Variants in ZFPM2 observed in about 807,000 individuals in gnomAD.
ZFPM2 encodes the protein zinc finger protein, FOG family member 2.
In ZFPM2, 20 loss-of-function variants were observed where a neutral mutation model predicts 98.6. The ratio of observed to expected loss-of-function variants is 0.20; its 90% confidence interval spans 0.14 to 0.29. ZFPM2 has a LOEUF of 0.29. Ranked by LOEUF, ZFPM2 falls within the 10% of genes least tolerant of loss-of-function variation. The pLI is 1.00. For synonymous variants in ZFPM2, 518 were observed against 502.7 expected (o/e 1.03, Z -0.41); for missense variants, 1,310 against 1,388.6 (o/e 0.94, Z 0.90).
intron 4 of ZFPM2, among the ~76,000 whole-genome samples, chr8:105,610,210 G>T (rs150164398): frequency 6.6e-6 from 1 of 152,122 alleles, no homozygotes; most frequent in African/African-American, 2.4e-5. Context: ...TATCTTTTCC[G>T]TTTGTGGGGA....
intron 3 of ZFPM2, among the ~76,000 whole-genome samples, chr8:105,497,498 A>C (rs1403749123): frequency 6.6e-6 from 1 of 152,184 alleles, no homozygotes; most frequent in Non-Finnish European, 1.5e-5. Context: ...AATAATAGGA[A>C]TTTGGTATAA....
At chr8:105,398,226 C>T (rs1811262054) in intron 1 of ZFPM2, among the ~76,000 whole-genome samples, 1 of 152,112 alleles carries the variant, frequency 6.6e-6, no homozygotes, top group South Asian at 2.1e-4. Context: ...GAACTGACTA[C>T]ATAAGGATCA....
At chr8:105,421,949 A>T (rs1030213880) in intron 2 of ZFPM2, among the ~76,000 whole-genome samples, 2 of 149,398 alleles carry the variant, frequency 1.3e-5, no homozygotes, top group Non-Finnish European at 3.0e-5. Context: ...CAGGAGGCTG[A>T]GACAGGAGAA....
chr8:105,418,125 G>C (rs906385516), intron 1 of ZFPM2, among the ~76,000 whole-genome samples: 2 of 152,030 alleles, frequency 1.3e-5, no homozygotes, highest in Admixed American at 6.6e-5. Flanking sequence ...CTTAGGCCCT[G>C]GAAATTTCCT....
At position 105,578,131 on chromosome 8, in the gene ZFPM2, TTTGA is replaced by T. The variant is rs546114830; in HGVS notation, c.420+16654_420+16657del. On this transcript the variant is annotated intron_variant, in intron 4 of 7. Transcript: ENST00000407775. ...TAGAGGATAAAAGTATACTCAATCT[TTTGA>T]TTGTTATTTTTGTTTCTCCTTAGCT... Among the ~76,000 whole-genome samples the T allele has an allele frequency of 5.0e-3, 763 of 152,232 alleles. 3 individuals carry two copies. The highest frequency in any genetic ancestry group is 0.018 in the African/African-American group (730 of 41,566).
intron 4 of ZFPM2, among the ~76,000 whole-genome samples, chr8:105,575,294 GT>G (rs1815440655): frequency 6.6e-6 from 1 of 152,126 alleles, no homozygotes; most frequent in African/African-American, 2.4e-5. Flanking sequence ...CTGTGGCAGG[GT>G]TTTGTGAAAG....
chr8:105,382,284 T>TA (rs1374773991), intron 1 of ZFPM2, among the ~76,000 whole-genome samples: 2 of 151,966 alleles, frequency 1.3e-5, no homozygotes, highest in Non-Finnish European at 2.9e-5. Flanking sequence ...GCTTTTTTTT[T>TA]AAAAATCATA....
intron 3 of ZFPM2, among the ~76,000 whole-genome samples, chr8:105,540,821 C>T (rs1344086456): frequency 1.3e-5 from 2 of 152,104 alleles, no homozygotes; most frequent in Non-Finnish European, 2.9e-5. Context: ...AGTAAGAAAT[C>T]GGCAACAAGG....
rs181467326 is a variant in ZFPM2 at position 105,730,257 on chromosome 8, C to T, written c.533-58461C>T. 1.4e-4 allele frequency among the ~76,000 whole-genome samples: 21 copies of T among 151,866 alleles called. 1 individual carries two copies. Among genetic ancestry groups the T allele is most frequent in the African/African-American group, 5.1e-4 (21 of 41,504 alleles). On this transcript the variant is annotated intron_variant, in intron 5 of 7. Transcript: ENST00000407775. The stretch of plus-strand genomic sequence containing the variant: ...TGTCCAGGAATGAAATAATATTTCT[C>T]ATGCATGCATGAAAGTAAGACAGTT...
chr8:105,430,165 A>T (rs1326206202), intron 2 of ZFPM2, among the ~76,000 whole-genome samples: 2 of 152,148 alleles, frequency 1.3e-5, no homozygotes, highest in Non-Finnish European at 2.9e-5. Context: ...ATGAAGCTTA[A>T]ACTTCAAAAC....
chr8:105,645,743 A>G (rs567904516), intron 5 of ZFPM2, among the ~76,000 whole-genome samples: 4 of 152,210 alleles, frequency 2.6e-5, no homozygotes, highest in African/African-American at 9.6e-5. Flanking sequence ...TACAGAAGCT[A>G]TAGGAGGAAT....
At chr8:105,504,944 A>C (rs1164884527) in intron 3 of ZFPM2, among the ~76,000 whole-genome samples, 3 of 126,764 alleles carry the variant, frequency 2.4e-5, no homozygotes, top group Non-Finnish European at 4.7e-5. Flanking sequence ...AAAAGAAAAA[A>C]GTATTAATAA....
At chr8:105,435,575 C>T (rs753756958) in intron 2 of ZFPM2, among the ~76,000 whole-genome samples, 5 of 152,146 alleles carry the variant, frequency 3.3e-5, no homozygotes, top group East Asian at 1.9e-4. Flanking sequence ...ACAAACTTGT[C>T]GTTATTATCT....
chr8:105,359,191 G>T (rs117283087), intron 1 of ZFPM2, among the ~76,000 whole-genome samples: 1 of 151,826 alleles, frequency 6.6e-6, no homozygotes, highest in South Asian at 2.1e-4. Context: ...CCCCATGCTC[G>T]ACTTCTCTCT....
At chr8:105,718,629 A>G (rs1811581952) in intron 5 of ZFPM2, among the ~76,000 whole-genome samples, 1 of 151,980 alleles carries the variant, frequency 6.6e-6, no homozygotes, top group African/African-American at 2.4e-5. Context: ...TCCGGTGTTA[A>G]TAAATATGAC....
At chr8:105,340,668 A>C (rs2129660725) in intron 1 of ZFPM2, among the ~76,000 whole-genome samples, 1 of 152,050 alleles carries the variant, frequency 6.6e-6, no homozygotes, top group African/African-American at 2.4e-5. Context: ...TATTTATATT[A>C]ACAAGTACAT....
chr8:105,685,984 TAAA>T (rs1810723950), intron 5 of ZFPM2, among the ~76,000 whole-genome samples: 1 of 152,102 alleles, frequency 6.6e-6, no homozygotes, highest in Non-Finnish European at 1.5e-5. Flanking sequence ...AGTATTAATG[TAAA>T]AATAAATCCA....
intron 5 of ZFPM2, among the ~76,000 whole-genome samples, chr8:105,779,778 G>C (rs933776553): frequency 6.6e-6 from 1 of 152,144 alleles, no homozygotes; most frequent in African/African-American, 2.4e-5. Context: ...GCATGACATT[G>C]TGCAGAGACT....
intron 5 of ZFPM2, among the ~76,000 whole-genome samples, chr8:105,719,926 T>C (rs1019473030): frequency 3.3e-5 from 5 of 151,908 alleles, no homozygotes; most frequent in African/African-American, 1.2e-4. Context: ...AGACCAATAT[T>C]AGAGAAGAAT....
Sources: gnomAD v4.1 joint callset for allele counts (sites outside exome capture counted in the v4.1 genomes callset) on GRCh38, gnomAD v4.1.1 for gene constraint, MANE v1.5 for transcripts, NCBI Gene and HGNC (gene_info 2026-07-23, HGNC 2026-07-21) for gene names.